The following GALNT14 variants were observed in gnomAD, a reference collection of about 807,000 sequenced individuals.
GALNT14 encodes the protein polypeptide N-acetylgalactosaminyltransferase 14, also known as UDP-GalNAc:polypeptide N-acetylgalactosaminyltransferase 14.
A neutral mutation model predicts 77.5 loss-of-function variants in GALNT14; 60 were observed. The ratio of observed to expected loss-of-function variants is 0.77; its 90% CI spans 0.63 to 0.96. The LOEUF (loss-of-function observed/expected upper bound fraction) is 0.96, where lower values mean the gene tolerates loss of function less well. Among genes scored for constraint, GALNT14 ranks in the 40% least tolerant of loss-of-function variants. The probability of loss-of-function intolerance (pLI) is 0.00; values close to 1 mark genes in which losing one functional copy is unlikely to be tolerated. For synonymous variants in GALNT14, 280 were observed against 281.7 expected (o/e 0.99, Z 0.06); for missense variants, 710 against 731.0 (o/e 0.97, Z 0.33).
rs370714734 is a variant in GALNT14 at position 31,064,102 on chromosome 2, C to T, written c.130-71095G>A. Among the ~76,000 whole-genome samples the T allele has an allele frequency of 3.6e-4, 55 of 151,322 alleles. No homozygotes were observed. In the East Asian group the frequency reaches 6.2e-3, roughly 17 times the overall value. On this transcript the variant is annotated intron_variant, in intron 1 of 14. Coordinates refer to ENST00000349752, the MANE Select transcript of GALNT14 (RefSeq NM_024572.4). ...TGGCTCCAAGAGCATGCAGAGTAGACATCACATCTAGACTGGTGGCTATTG... is the reference window on the plus strand; with the variant it reads ...TGGCTCCAAGAGCATGCAGAGTAGATATCACATCTAGACTGGTGGCTATTG...
chr2:31,059,372 C>G (rs1171905861), intron 1 of GALNT14, among the ~76,000 whole-genome samples: 1 of 152,126 alleles, frequency 6.6e-6, no homozygotes, highest in African/African-American at 2.4e-5. Flanking sequence ...AATAAATACT[C>G]TCAGGAATTC....
chr2:30,958,156 A>G (rs1446817118), intron 4 of GALNT14, among the ~76,000 whole-genome samples: 5 of 152,198 alleles, frequency 3.3e-5, no homozygotes, highest in African/African-American at 4.8e-5. Flanking sequence ...CTCCCAGGAA[A>G]TGATAGGAAG....
chr2:30,909,129 CA>C (rs1664232406), downstream of GALNT14, among the ~76,000 whole-genome samples: 1 of 151,956 alleles, frequency 6.6e-6, no homozygotes, highest in Admixed American at 6.6e-5. Context: ...TAGGCATTAC[CA>C]TTCAGGACAT....
intron 1 of GALNT14, among the ~76,000 whole-genome samples, chr2:31,097,764 C>T (rs1201007347): frequency 6.6e-6 from 1 of 152,040 alleles, no homozygotes; most frequent in Non-Finnish European, 1.5e-5. Flanking sequence ...GCTGAAGATC[C>T]CTGTCCTGTT....
intron 2 of GALNT14, among the ~76,000 whole-genome samples, chr2:30,969,497 C>G (rs1351035483): frequency 6.6e-6 from 1 of 152,176 alleles, no homozygotes; most frequent in East Asian, 1.9e-4. Flanking sequence ...CCTTGGAGGA[C>G]TAGCTGAGGA....
At chr2:30,926,537 A>G (rs974035363) in intron 11 of GALNT14, among the ~76,000 whole-genome samples, 5 of 152,208 alleles carry the variant, frequency 3.3e-5, no homozygotes, top group Non-Finnish European at 5.9e-5. Flanking sequence ...ATAGAGATGC[A>G]AATATCAGCA....
the GALNT14 span, among the ~76,000 whole-genome samples, chr2:30,898,602 G>A: frequency 1.1e-3 from 169 of 152,316 alleles, 1 homozygote; most frequent in African/African-American, 3.9e-3. Flanking sequence ...GAGGAGCCAG[G>A]GTTTGAACCT....
intron 1 of GALNT14, among the ~76,000 whole-genome samples, chr2:31,063,032 T>G (rs570909248): frequency 5.3e-5 from 8 of 152,358 alleles, no homozygotes; most frequent in Admixed American, 5.2e-4. Flanking sequence ...ACTCTGATGA[T>G]AGTTTCTTTT....
At chr2:30,945,730 G>T in intron 7 of GALNT14, 53 bp downstream of exon 7, 1 of 1,416,768 alleles carries the variant, frequency 7.1e-7, no homozygotes, top group Non-Finnish European at 1.0e-6. Flanking sequence ...TAAAAGCAGT[G>T]ACTGAGAGGA....
At chr2:31,084,597 T>C (rs1676321905) in intron 1 of GALNT14, among the ~76,000 whole-genome samples, 1 of 152,172 alleles carries the variant, frequency 6.6e-6, no homozygotes, top group Non-Finnish European at 1.5e-5. Flanking sequence ...GGTGCAAACA[T>C]GTCAAACAAG....
intron 1 of GALNT14, chr2:31,073,272 G>A (rs1573302117): frequency 1.3e-5 from 2 of 152,278 alleles, no homozygotes; most frequent in South Asian, 2.1e-4. Flanking sequence ...CATATGATAT[G>A]CACTCAAAAC....
At chr2:31,126,275 T>C (rs1238409855) in intron 1 of GALNT14, among the ~76,000 whole-genome samples, 1 of 152,016 alleles carries the variant, frequency 6.6e-6, no homozygotes, top group East Asian at 1.9e-4. Context: ...AAGGGAAAAA[T>C]ACATTCAAGT....
intron 1 of GALNT14, among the ~76,000 whole-genome samples, chr2:31,033,696 C>G (rs531500779): frequency 5.5e-4 from 84 of 152,214 alleles, no homozygotes; most frequent in African/African-American, 1.9e-3. Flanking sequence ...ACTTCTCCAG[C>G]GAGTGAGTCT....
intron 1 of GALNT14, among the ~76,000 whole-genome samples, chr2:31,066,746 T>G (rs1233573422): frequency 6.6e-6 from 1 of 151,740 alleles, no homozygotes; most frequent in Non-Finnish European, 1.5e-5. Context: ...CTGCCACCAC[T>G]GAGAGCACCC....
At chr2:31,089,490 C>A (rs189487091) in intron 1 of GALNT14, among the ~76,000 whole-genome samples, 88 of 152,260 alleles carry the variant, frequency 5.8e-4, no homozygotes, top group Non-Finnish European at 9.4e-4. Context: ...GGTTAGCCAG[C>A]AGAACTATTG....
intron 1 of GALNT14, among the ~76,000 whole-genome samples, chr2:31,012,295 T>G (rs1007158244): frequency 1.3e-5 from 2 of 152,172 alleles, no homozygotes; most frequent in Admixed American, 6.5e-5. Context: ...CTGGCATCCT[T>G]CCATTAAACT....
At chr2:30,935,811 C>A (rs1282199488) in intron 9 of GALNT14, among the ~76,000 whole-genome samples, 1 of 152,104 alleles carries the variant, frequency 6.6e-6, no homozygotes, top group Non-Finnish European at 1.5e-5. Context: ...GACCTGAGGT[C>A]CTGTGAAGGG....
At chr2:31,023,920 C>A (rs1215993442) in intron 1 of GALNT14, among the ~76,000 whole-genome samples, 1 of 152,152 alleles carries the variant, frequency 6.6e-6, no homozygotes, top group Non-Finnish European at 1.5e-5. Flanking sequence ...AAATTTATAT[C>A]TTTGCCTCCA....
chr2:31,003,860 C>T (rs1039289684), intron 1 of GALNT14, among the ~76,000 whole-genome samples: 5 of 152,190 alleles, frequency 3.3e-5, no homozygotes, highest in Admixed American at 6.5e-5. Flanking sequence ...CAAATTAGCA[C>T]GAGAAGGAGG....
Sources: gnomAD v4.1 joint callset for allele counts (sites outside exome capture counted in the v4.1 genomes callset) on GRCh38, gnomAD v4.1.1 for gene constraint, MANE v1.5 for transcripts, NCBI Gene and HGNC (gene_info 2026-07-23, HGNC 2026-07-21) for gene names.